Variants in CFAP43 observed in about 807,000 individuals in gnomAD.
CFAP43 encodes cilia and flagella associated protein 43.
In CFAP43, 155 loss-of-function variants were observed where a neutral mutation model predicts 218.9. The ratio of observed to expected loss-of-function variants is 0.71; its 90% confidence interval spans 0.62 to 0.81. CFAP43 has a LOEUF of 0.81. CFAP43 is among the 30% of genes least tolerant of loss of function. CFAP43 has a pLI of 0.00. For synonymous variants in CFAP43, 645 were observed against 681.3 expected (o/e 0.95, Z 0.83); for missense variants, 1,778 against 1,954.3 (o/e 0.91, Z 1.70).
intron 29 of CFAP43, 144 bp from the exon 30 acceptor site, chr10:104,146,493 T>C (rs1365970008): frequency 3.2e-6 from 2 of 619,638 alleles, no homozygotes; most frequent in South Asian, 3.8e-5. Flanking sequence ...ATAAGATTTA[T>C]AGAAGAAAAT....
intron 35 of CFAP43, chr10:104,132,956 T>C (rs904245036): frequency 4.3e-6 from 1 of 234,404 alleles, no homozygotes; most frequent in Non-Finnish European, 7.0e-6. Flanking sequence ...TGTAATGAGA[T>C]GGAATTTCTC....
chr10:104,229,671 TAAATA>T (rs774415524), intron 2 of CFAP43, among the ~76,000 whole-genome samples: 1 of 151,804 alleles, frequency 6.6e-6, no homozygotes, highest in East Asian at 1.9e-4. Flanking sequence ...TAAAATAAAA[TAAATA>T]AAATAAACAC....
At chr10:104,229,375 G>A (rs1045075154) in intron 2 of CFAP43, among the ~76,000 whole-genome samples, 14 of 152,120 alleles carry the variant, frequency 9.2e-5, no homozygotes, top group African/African-American at 2.7e-4. Context: ...TCATTAGGCC[G>A]GGCACAGTGG....
At position 104,182,437 on chromosome 10, in the gene CFAP43, C is replaced by T; in HGVS notation, c.2218G>A (p.Asp740Asn). The T allele has an allele frequency of 1.2e-6, 2 of 1,612,818 alleles. No homozygotes were observed. The highest frequency in any genetic ancestry group is 2.2e-5 in the South Asian group (2 of 90,770). Reference protein sequence around the residue: ...KLLISLSSAMDKENHYLSTTP... With the variant: ...KLLISLSSAMNKENHYLSTTP... ...GTGCTTAAATAATGATTCTCCTTGT[C>T]CATGGCGCTGCTCAGGGAAATTAAT... Residue 740 changes from aspartate to asparagine, a missense_variant, in exon 17 of 38, where the codon GAC becomes AAC. Physicochemically the swap from Asp to Asn is conservative, Grantham distance 23. This residue lies in a region of CFAP43 where 1,553 missense variants were observed against 1,685.2 expected (regional missense o/e 0.92). Coordinates refer to ENST00000357060, the MANE Select transcript of CFAP43 (RefSeq NM_025145.7).
chr10:104,207,559 G>T, intron 6 of CFAP43, 106 bp downstream of exon 6: 1 of 1,081,780 alleles, frequency 9.2e-7, no homozygotes. Flanking sequence ...AGAGGATTAA[G>T]AAGAAGGAGG....
At chr10:104,143,728 A>G in intron 31 of CFAP43, 89 bp from the exon 32 acceptor site, 1 of 1,224,856 alleles carries the variant, frequency 8.2e-7, no homozygotes, top group Non-Finnish European at 1.2e-6. Flanking sequence ...CAGGCATAAC[A>G]CATTGTATGG....
chr10:104,137,511 T>TA lies in CFAP43; in HGVS notation c.4431+3330dup, dbSNP rs567252710. On this transcript the variant is annotated intron_variant, in intron 34 of 37. Coordinates refer to ENST00000357060, the MANE Select transcript of CFAP43 (RefSeq NM_025145.7). The stretch of plus-strand genomic sequence containing the variant: ...GGTGTGGGGTTTCCTTTTAGGATGA[T>TA]AAAAAATGTTCTGAGGCCGGGTGGG... 7.2e-5 allele frequency among the ~76,000 whole-genome samples: 11 copies of TA among 152,090 alleles called. No homozygotes were observed. The East Asian group carries it at 1.7e-3, about 24-fold the overall frequency.
In CFAP43 at chr10:104,161,969, A is replaced by C; in HGVS notation, c.3406T>G (p.Leu1136Val). 6.2e-7 allele frequency: 1 copy of C among 1,613,448 alleles called. No individual in the cohort carries two copies. The highest frequency in any genetic ancestry group is 8.5e-7 in the Non-Finnish European group (1 of 1,179,768). The change falls in exon 26 of 38, where the codon TTG becomes GTG. Residue 1136 changes from leucine to valine, a missense_variant. By Grantham distance (32) the Leu-to-Val change is conservative. Around this residue, in one of 3 missense-constraint regions of CFAP43, gnomAD observed 1,553 missense variants for 1,685.2 expected, o/e 0.92. Coordinates refer to ENST00000357060, the MANE Select transcript of CFAP43 (RefSeq NM_025145.7). ...ATGAACAGAAATATCACCATTCTCAAAATATCTTCCTTCTTGACTTCCAGA... is the reference window on the plus strand; with the variant it reads ...ATGAACAGAAATATCACCATTCTCACAATATCTTCCTTCTTGACTTCCAGA... ...GVLEVKKEDI[L>V]RMVIPQPAFM...
At chr10:104,157,775 T>TGTGTGTGAGAGAGAGAGAGAGA (rs1484523345) in intron 27 of CFAP43, among the ~76,000 whole-genome samples, 2 of 90,106 alleles carry the variant, frequency 2.2e-5, no homozygotes, top group African/African-American at 5.0e-5. Flanking sequence ...TGTGTGTGTG[T>TGTGTGTGAGAGAGAGAGAGAGA]GAGAGAGAGA....
Position 104,145,458 on chromosome 10 carries a change from A to T in CFAP43, c.3944+18T>A. On this transcript the variant is annotated intron_variant, in intron 31 of 37. Coordinates refer to ENST00000357060, the MANE Select transcript of CFAP43 (RefSeq NM_025145.7). ...CAAACTTTTTTCTCAGAAACACAAT[A>T]GTGAAGGAGAAACAAACCTTGGTCG... The T allele has an allele frequency of 1.3e-6, 2 of 1,555,200 alleles. No homozygotes were observed. The highest frequency in any genetic ancestry group is 8.8e-7 in the Non-Finnish European group (1 of 1,134,862).
intron 30 of CFAP43, 98 bp downstream of exon 30, chr10:104,146,165 T>G: frequency 1.1e-6 from 1 of 945,700 alleles, no homozygotes; most frequent in Non-Finnish European, 1.6e-6. Flanking sequence ...GGGAGAAAAA[T>G]CTGTGAGAAA....
At position 104,185,104 on chromosome 10, in the gene CFAP43, C is replaced by T. The variant is rs2089988587; in HGVS notation, c.2053G>A (p.Gly685Arg). 6.2e-7 allele frequency: 1 copy of T among 1,614,106 alleles called. No individual in the cohort carries two copies. The highest frequency in any genetic ancestry group is 8.5e-7 in the Non-Finnish European group (1 of 1,180,008). ...ATTGAAATTCTCATTGACTGAATCCCATGACCCTGGTGAGAATGACTCCGA... is the reference window on the plus strand; with the variant it reads ...ATTGAAATTCTCATTGACTGAATCCTATGACCCTGGTGAGAATGACTCCGA... ...WCRSHSHQGH[G>R]IQSMRISMDG... Residue 685 changes from glycine to arginine, a missense_variant, in exon 16 of 38, where the codon GGG becomes AGG. Gly to Arg is a moderately radical substitution (Grantham distance 125). Around this residue, in one of 3 missense-constraint regions of CFAP43, gnomAD observed 1,553 missense variants for 1,685.2 expected, o/e 0.92. Transcript: ENST00000357060.
intron 9 of CFAP43, among the ~76,000 whole-genome samples, chr10:104,197,288 A>G (rs927538158): frequency 3.3e-5 from 5 of 152,294 alleles, no homozygotes; most frequent in African/African-American, 1.2e-4. Context: ...AATTACTAGA[A>G]CTTATTTTTT....
At chr10:104,148,693 C>G (rs1251908372) in intron 28 of CFAP43, among the ~76,000 whole-genome samples, 1 of 152,184 alleles carries the variant, frequency 6.6e-6, no homozygotes, top group Admixed American at 6.5e-5. Context: ...CTTCACCTGG[C>G]ATAAATGGAA....
At chr10:104,133,823 C>A in intron 34 of CFAP43, 39 bp from the exon 35 acceptor site, 1 of 1,508,246 alleles carries the variant, frequency 6.6e-7, no homozygotes, top group South Asian at 1.3e-5. Context: ...TAATATGATT[C>A]TGCATATAGA....
At position 104,230,712 on chromosome 10, in the gene CFAP43, C is replaced by G; in HGVS notation, c.197G>C (p.Gly66Ala). 6.2e-7 allele frequency: 1 copy of G among 1,614,028 alleles called. No homozygotes were observed. The highest frequency in any genetic ancestry group is 8.5e-7 in the Non-Finnish European group (1 of 1,180,014). ...KKKTVLQCSNGIVGVMATNIP... is the reference protein window; with the variant it reads ...KKKTVLQCSNAIVGVMATNIP... ...GTTAGTTGCCATGACGCCCACAATTCCATTACTACACTGCAGTACAGTCTT... is the reference window on the plus strand; with the variant it reads ...GTTAGTTGCCATGACGCCCACAATTGCATTACTACACTGCAGTACAGTCTT... The change falls in exon 2 of 38, where the codon GGA (glycine) becomes GCA (alanine). Residue 66 changes from glycine (G) to alanine (A), a missense_variant. Gly to Ala is a moderately conservative substitution (Grantham distance 60, BLOSUM62 0). Around this residue, in one of 3 missense-constraint regions of CFAP43, gnomAD observed 1,553 missense variants for 1,685.2 expected, o/e 0.92. Coordinates refer to ENST00000357060, the MANE Select transcript of CFAP43 (RefSeq NM_025145.7).
At chr10:104,153,206 T>C (rs1223047448) in intron 27 of CFAP43, among the ~76,000 whole-genome samples, 2 of 152,226 alleles carry the variant, frequency 1.3e-5, no homozygotes, top group South Asian at 2.1e-4. Flanking sequence ...GTATGTTTTG[T>C]CTCTCCAAAC....
chr10:104,146,475 T>C, intron 29 of CFAP43, 126 bp from the exon 30 acceptor site: 1 of 678,360 alleles, frequency 1.5e-6, no homozygotes. Context: ...AAGTATTTAT[T>C]CATGAAGATA....
intron 28 of CFAP43, among the ~76,000 whole-genome samples, chr10:104,149,121 A>G (rs891646628): frequency 6.6e-6 from 1 of 152,150 alleles, no homozygotes; most frequent in African/African-American, 2.4e-5. Context: ...CTGTATATTC[A>G]TGGTGTAGTT....
Sources: gnomAD v4.1 joint callset for allele counts (sites outside exome capture counted in the v4.1 genomes callset) on GRCh38, gnomAD v4.1.1 for gene constraint, gnomAD v4.1.1 regional missense constraint, MANE v1.5 for transcripts, NCBI Gene and HGNC (gene_info 2026-07-23, HGNC 2026-07-21) for gene names.